RHD: variants seen among roughly 807,000 people sequenced by gnomAD.
RHD encodes the protein Rh blood group D antigen, also known as blood group Rh(D) polypeptide.
Under a neutral mutation model 45.5 loss-of-function variants are expected in RHD, and 16 were observed. The observed-to-expected ratio is 0.35, with a 90% CI of 0.24 to 0.53. RHD has a LOEUF of 0.53. RHD is among the 20% of genes least tolerant of loss of function. RHD has a pLI of 0.92. For synonymous variants in RHD, 131 were observed against 217.5 expected, an observed-to-expected ratio of 0.60 and a Z score of 3.50; for missense variants, 306 against 532.0, an observed-to-expected ratio of 0.58 and a Z score of 4.18.
rs1307238266 is a variant in RHD, at chr1:25,299,091, A to C, written c.487-1855A>C. Reference sequence around the variant, plus strand: ...TGGTGATAAAAAAAAAAAAAAAAAAAAAAAAACAGGCTGGGAGCAGTGGCT... The same window carrying C: ...TGGTGATAAAAAAAAAAAAAAAAAACAAAAAACAGGCTGGGAGCAGTGGCT... On this transcript the variant is annotated intron_variant, in intron 3 of 9. Transcript: ENST00000328664. Among the ~76,000 whole-genome samples, 4 of 126,802 alleles carry C rather than the reference A, an allele frequency of 3.2e-5. 1 individual carries two copies. Among genetic ancestry groups the C allele is most frequent in the East Asian group, 2.0e-4 (1 of 5,100 alleles). 83.2% of individuals were successfully genotyped at this position (126,802 alleles called of 152,430 possible). A position where few individuals can be genotyped will look rare whatever the true frequency, so the allele number is the denominator to read the frequency against.
Position 25,305,948 on chromosome 1 carries a change from G to A in RHD, c.940-648G>A, listed in dbSNP as rs574112124. Among the ~76,000 whole-genome samples the A allele has an allele frequency of 2.6e-4, 34 of 131,900 alleles. 10 individuals carry two copies. Among genetic ancestry groups the A allele is most frequent in the Non-Finnish European group, 4.6e-4 (26 of 55,928 alleles). 86.5% of individuals were successfully genotyped at this position (131,900 alleles called of 152,430 possible). On this transcript the variant is annotated intron_variant, in intron 6 of 9. Transcript: ENST00000328664. Reference sequence around the variant, plus strand: ...AATAGGGATTCTAAGGAAGGAACCAGCCTGATTGAATTTGCATATGTGTCC... The same window carrying A: ...AATAGGGATTCTAAGGAAGGAACCAACCTGATTGAATTTGCATATGTGTCC...
chr1:25,281,988 G>A lies in RHD; in HGVS notation c.149-2585G>A, dbSNP rs370512341. On this transcript the variant is annotated intron_variant, in intron 1 of 9. Transcript: ENST00000328664. ...AATGAGAGCTTCTCATTGTTATCAA[G>A]GCCAGGGCTGGAGACCAGTGGCAGG... Among the ~76,000 whole-genome samples, 7 of 132,314 alleles carry A rather than the reference G, an allele frequency of 5.3e-5. 1 individual carries two copies. Among genetic ancestry groups the A allele is most frequent in the Admixed American group, 2.2e-4 (3 of 13,580 alleles). 86.8% of individuals were successfully genotyped at this position (132,314 alleles called of 152,430 possible).
At position 25,301,272 on chromosome 1, in the gene RHD, T is replaced by G. The variant is rs561921450; in HGVS notation, c.634+179T>G. ...AATTCATACCTTTGAATTAAGCACT[T>G]CACAGAGCAGGTTCAGGAGGCCTGG... On this transcript the variant is annotated intron_variant, in intron 4 of 9. Coordinates refer to ENST00000328664, the MANE Select transcript of RHD (RefSeq NM_016124.6). 7.7e-4 allele frequency among the ~76,000 whole-genome samples: 101 copies of G among 131,482 alleles called. 17 individuals are homozygous for G. Among genetic ancestry groups the G allele is most frequent in the African/African-American group, 2.5e-3 (97 of 38,224 alleles). 86.3% of individuals were successfully genotyped at this position (131,482 alleles called of 152,430 possible).
Position 25,300,898 on chromosome 1 carries a change from C to T in RHD, c.487-48C>T, listed in dbSNP as rs532739133. The T allele has an allele frequency of 1.5e-5, 20 of 1,365,886 alleles. 1 individual carries two copies. The Admixed American group carries it at 2.2e-4, about 15-fold the overall frequency. 84.6% of individuals were successfully genotyped at this position (1,365,886 alleles called of 1,614,324 possible). The stretch of plus-strand genomic sequence containing the variant: ...CTCCAAGGACTATCAGGGCTTGCCC[C>T]GGGCAGAGGATGCCGACACTCACTG... On this transcript the variant is annotated intron_variant, in intron 3 of 9. Coordinates refer to ENST00000328664, the MANE Select transcript of RHD (RefSeq NM_016124.6).
chr1:25,298,800 G>A (rs1571656767), intron 3 of RHD, among the ~76,000 whole-genome samples: 1 of 130,632 alleles, frequency 7.7e-6, no homozygotes, highest in Admixed American at 7.5e-5. Flanking sequence ...AATAAAATAG[G>A]CAAAAGATAT....
In RHD at chr1:25,300,152, A is replaced by C. The variant is rs1173983538; in HGVS notation, c.487-794A>C. The stretch of plus-strand genomic sequence containing the variant: ...CCGCAGAGTTAAAATTCCGCTGAGA[A>C]GTAGGAATCAGTGAGGTGCGTGTCC... On this transcript the variant is annotated intron_variant, in intron 3 of 9. Transcript: ENST00000328664. Among the ~76,000 whole-genome samples, 2 of 131,580 alleles carry C rather than the reference A, an allele frequency of 1.5e-5. 1 individual carries two copies. Among genetic ancestry groups the C allele is most frequent in the Non-Finnish European group, 3.6e-5 (2 of 55,856 alleles). 86.3% of individuals were successfully genotyped at this position (131,580 alleles called of 152,430 possible). A position where few individuals can be genotyped will look rare whatever the true frequency, so the allele number is the denominator to read the frequency against.
intron 9 of RHD, among the ~76,000 whole-genome samples, chr1:25,322,179 C>T (rs1366265879): frequency 7.6e-6 from 1 of 131,124 alleles, no homozygotes; most frequent in Non-Finnish European, 1.8e-5. Context: ...TCCCTGATAC[C>T]TCAAATTCAT....
At position 25,316,202 on chromosome 1, in the gene RHD, A is replaced by G. The variant is rs1211298255; in HGVS notation, c.1074-798A>G. On this transcript the variant is annotated intron_variant, in intron 7 of 9. Coordinates refer to ENST00000328664, the MANE Select transcript of RHD (RefSeq NM_016124.6). Reference sequence around the variant, plus strand: ...AACCCCTGGGGTTGCCTTGAAGGAGAGAGGTCGTGGAAGTATGTTCAAGGG... The same window carrying G: ...AACCCCTGGGGTTGCCTTGAAGGAGGGAGGTCGTGGAAGTATGTTCAAGGG... Among the ~76,000 whole-genome samples, 3 of 130,402 alleles carry G rather than the reference A, an allele frequency of 2.3e-5. 1 individual carries two copies. Among genetic ancestry groups the G allele is most frequent in the Non-Finnish European group, 5.4e-5 (3 of 55,194 alleles). The allele number at this position is 130,402 out of a possible 152,430, so 85.5% of individuals were successfully genotyped here. A position where few individuals can be genotyped will look rare whatever the true frequency, so the allele number is the denominator to read the frequency against.
intron 8 of RHD, among the ~76,000 whole-genome samples, chr1:25,320,919 C>T (rs371704794): frequency 7.6e-6 from 1 of 131,446 alleles, no homozygotes; most frequent in Non-Finnish European, 1.8e-5. Flanking sequence ...TAGCACACAC[C>T]TGTGGTCCCA....
chr1:25,276,556 C>A lies in RHD; in HGVS notation c.148+3861C>A, dbSNP rs1443441811. ...CTAAAAAAAAAAAAAAAAAAAAAAA[C>A]TTTAAAATTTAACCCAGTGTGGTGG... On this transcript the variant is annotated intron_variant, in intron 1 of 9. Coordinates refer to ENST00000328664, the MANE Select transcript of RHD (RefSeq NM_016124.6). Among the ~76,000 whole-genome samples, 151 of 68,098 alleles carry A rather than the reference C, an allele frequency of 2.2e-3. 1 individual carries two copies. The highest frequency in any genetic ancestry group is 0.012 in the African/African-American group (140 of 11,372). 44.7% of individuals were successfully genotyped at this position (68,098 alleles called of 152,430 possible).
intron 2 of RHD, among the ~76,000 whole-genome samples, chr1:25,287,796 A>T (rs1291806031): frequency 1.5e-5 from 2 of 134,146 alleles, no homozygotes; most frequent in African/African-American, 5.1e-5. Flanking sequence ...ATCATAGCTC[A>T]TTGCAGCCTG....
chr1:25,288,103 A>G (rs138064617), intron 2 of RHD, among the ~76,000 whole-genome samples: 2 of 131,166 alleles, frequency 1.5e-5, no homozygotes, highest in African/African-American at 5.2e-5. Flanking sequence ...CTCAGCCTCA[A>G]CCTCACTGGG....
chr1:25,289,442 G>T (rs1642311284), intron 2 of RHD, among the ~76,000 whole-genome samples: 1 of 131,574 alleles, frequency 7.6e-6, no homozygotes, highest in Non-Finnish European at 1.8e-5. Context: ...TGATCCACCT[G>T]CCTTGGCCTC....
At chr1:25,315,748 G>C (rs1465695363) in intron 7 of RHD, among the ~76,000 whole-genome samples, 1 of 129,766 alleles carries the variant, frequency 7.7e-6, no homozygotes, top group African/African-American at 2.6e-5. Context: ...TGCCCGCCTC[G>C]GCCTCCCAAA....
In RHD at chr1:25,279,031, A is replaced by G. The variant is rs536962205; in HGVS notation, c.149-5542A>G. On this transcript the variant is annotated intron_variant, in intron 1 of 9. Coordinates refer to ENST00000328664, the MANE Select transcript of RHD (RefSeq NM_016124.6). ...GGTGCTGAAGTTTCTGCAGGCCAGA[A>G]GGAGGGGCAAGAGTGGGAGGGGGCG... 1.1e-3 allele frequency among the ~76,000 whole-genome samples: 137 copies of G among 129,080 alleles called. 26 individuals are homozygous for G. In the Middle Eastern group the frequency reaches 0.012, roughly 11 times the overall value. 84.7% of individuals were successfully genotyped at this position (129,080 alleles called of 152,430 possible). A position where few individuals can be genotyped will look rare whatever the true frequency, so the allele number is the denominator to read the frequency against.
chr1:25,302,351 G>A, intron 5 of RHD, among the ~76,000 whole-genome samples: 1 of 128,744 alleles, frequency 7.8e-6, no homozygotes, highest in African/African-American at 2.7e-5. Flanking sequence ...GTGTCGGAGG[G>A]AAGTCTGGAC....
chr1:25,299,689 T>G (rs1643231186), intron 3 of RHD, among the ~76,000 whole-genome samples: 1 of 132,320 alleles, frequency 7.6e-6, no homozygotes, highest in Admixed American at 7.3e-5. Context: ...ACCTTGACTT[T>G]GAGTGACATG....
chr1:25,285,342 C>T (rs1278379618), intron 2 of RHD, among the ~76,000 whole-genome samples: 1 of 134,050 alleles, frequency 7.5e-6, no homozygotes, highest in East Asian at 1.9e-4. Flanking sequence ...CCGTGTTGGT[C>T]AGGCTAGTCT....
At position 25,278,024 on chromosome 1, in the gene RHD, T is replaced by C. The variant is rs1007868763; in HGVS notation, c.148+5329T>C. 7.6e-5 allele frequency among the ~76,000 whole-genome samples: 10 copies of C among 130,760 alleles called. 2 individuals carry two copies. The highest frequency in any genetic ancestry group is 2.6e-4 in the African/African-American group (10 of 38,480). The allele number at this position is 130,760 out of a possible 152,430, so 85.8% of individuals were successfully genotyped here. Reference sequence around the variant, plus strand: ...TAAATAAAATAAATAAAACTAGAATTGCTTGTTTTCTTCCAGCTACCCTGG... The same window carrying C: ...TAAATAAAATAAATAAAACTAGAATCGCTTGTTTTCTTCCAGCTACCCTGG... On this transcript the variant is annotated intron_variant, in intron 1 of 9. Coordinates refer to ENST00000328664, the MANE Select transcript of RHD (RefSeq NM_016124.6).
Sources: gnomAD v4.1 joint callset for allele counts (sites outside exome capture counted in the v4.1 genomes callset) on GRCh38, gnomAD v4.1.1 for gene constraint, MANE v1.5 for transcripts, NCBI Gene and HGNC (gene_info 2026-07-23, HGNC 2026-07-21) for gene names.